Variants in THSD7A observed in about 807,000 individuals in gnomAD.
THSD7A encodes the protein thrombospondin type 1 domain containing 7A.
THSD7A carries 96 observed loss-of-function variants against 231.3 expected under a neutral mutation model. That is an observed-to-expected ratio of 0.41 (90% CI 0.35 to 0.49). THSD7A has a LOEUF of 0.49. THSD7A is among the 20% of genes least tolerant of loss of function. The pLI, the probability that THSD7A is intolerant of heterozygous loss-of-function variation, is 0.05. For synonymous variants in THSD7A, 940 were observed against 743.3 expected (o/e 1.26, Z -4.30); for missense variants, 2,290 against 2,070.2 (o/e 1.11, Z -2.06).
intron 1 of THSD7A, among the ~76,000 whole-genome samples, chr7:11,669,463 C>A (rs1783286380): frequency 6.6e-6 from 1 of 151,840 alleles, no homozygotes; most frequent in South Asian, 2.1e-4. Context: ...GTTCCAGATA[C>A]TCTGCAGGGT....
At chr7:11,656,469 G>A (rs1333638915) in intron 1 of THSD7A, among the ~76,000 whole-genome samples, 1 of 151,842 alleles carries the variant, frequency 6.6e-6, no homozygotes, top group African/African-American at 2.4e-5. Flanking sequence ...CAGAGGGATA[G>A]AGAAAGCTTG....
chr7:11,599,774 G>A (rs1780488083), intron 2 of THSD7A, among the ~76,000 whole-genome samples: 1 of 152,024 alleles, frequency 6.6e-6, no homozygotes, highest in Admixed American at 6.6e-5. Flanking sequence ...TGGATGGAAG[G>A]ATGCAAAGTA....
chr7:11,588,841 C>A (rs2189633), intron 4 of THSD7A, among the ~76,000 whole-genome samples: 41,431 of 152,042 alleles, frequency 0.27, 8,288 homozygotes, highest in African/African-American at 0.57. Context: ...ATATTAATGT[C>A]CTAACATTAC....
chr7:11,575,752 C>A (rs189046794), intron 4 of THSD7A, among the ~76,000 whole-genome samples: 2 of 152,342 alleles, frequency 1.3e-5, no homozygotes, highest in African/African-American at 4.8e-5. Context: ...TGTACCATAT[C>A]ATATCAACCG....
At chr7:11,792,140 A>C (rs984083213) in intron 1 of THSD7A, among the ~76,000 whole-genome samples, 8 of 151,900 alleles carry the variant, frequency 5.3e-5, no homozygotes, top group Non-Finnish European at 8.8e-5. Flanking sequence ...ACTCGTCATT[A>C]TATTTATTCT....
chr7:11,709,139 A>G (rs1352620646), intron 1 of THSD7A, among the ~76,000 whole-genome samples: 2 of 150,674 alleles, frequency 1.3e-5, no homozygotes, highest in African/African-American at 4.9e-5. Flanking sequence ...AGACAAGGCT[A>G]TCGAGTTTCT....
intron 1 of THSD7A, among the ~76,000 whole-genome samples, chr7:11,794,747 G>T (rs2128179221): frequency 6.6e-6 from 1 of 151,940 alleles, no homozygotes; most frequent in East Asian, 1.9e-4. Context: ...TTTTTCAGCA[G>T]CCCTCCCACC....
At chr7:11,467,220 C>T (rs1785745772) in intron 9 of THSD7A, among the ~76,000 whole-genome samples, 1 of 152,108 alleles carries the variant, frequency 6.6e-6, no homozygotes, top group Non-Finnish European at 1.5e-5. Context: ...TGTGGTTCAT[C>T]TTTCAAGAAG....
chr7:11,675,282 G>A (rs1783591464), intron 1 of THSD7A, among the ~76,000 whole-genome samples: 1 of 152,168 alleles, frequency 6.6e-6, no homozygotes, highest in South Asian at 2.1e-4. Flanking sequence ...CAGACCAGCG[G>A]TTTCCCTTGG....
chr7:11,511,273 GA>G (rs1787797654), intron 6 of THSD7A, among the ~76,000 whole-genome samples: 1 of 152,066 alleles, frequency 6.6e-6, no homozygotes, highest in Non-Finnish European at 1.5e-5. Context: ...ACTGCTCAAC[GA>G]AATAAAAGAG....
chr7:11,608,393 A>C (rs934068463), intron 2 of THSD7A, among the ~76,000 whole-genome samples: 1 of 152,132 alleles, frequency 6.6e-6, no homozygotes, highest in African/African-American at 2.4e-5. Context: ...ACTGTTACAT[A>C]CTCCTGTGAA....
chr7:11,604,444 A>G (rs1397999229), intron 2 of THSD7A, among the ~76,000 whole-genome samples: 2 of 152,174 alleles, frequency 1.3e-5, no homozygotes, highest in South Asian at 2.1e-4. Context: ...TTTGTTTTTA[A>G]TAGTTACTGC....
At chr7:11,742,797 A>C (rs185829247) in intron 1 of THSD7A, among the ~76,000 whole-genome samples, 11 of 152,038 alleles carry the variant, frequency 7.2e-5, no homozygotes, top group African/African-American at 2.6e-4. Context: ...CCATTCATTC[A>C]AAGGTGGCAT....
At chr7:11,812,133 G>C (rs931465527) in intron 1 of THSD7A, among the ~76,000 whole-genome samples, 1 of 147,558 alleles carries the variant, frequency 6.8e-6, no homozygotes, top group Non-Finnish European at 1.5e-5. Flanking sequence ...GTGTGTGTGT[G>C]TGTGTGTGGG....
At chr7:11,460,430 T>A (rs1785461771) in intron 11 of THSD7A, among the ~76,000 whole-genome samples, 2 of 152,146 alleles carry the variant, frequency 1.3e-5, no homozygotes, top group Admixed American at 1.3e-4. Flanking sequence ...CCTGACTTTC[T>A]TTCAGACATA....
chr7:11,644,156 T>C (rs1782196075), intron 1 of THSD7A, among the ~76,000 whole-genome samples: 1 of 152,066 alleles, frequency 6.6e-6, no homozygotes, highest in South Asian at 2.1e-4. Context: ...TCCCTGTTTT[T>C]CAGCATCGAA....
At chr7:11,581,165 G>GTCTTAATAAAT (rs1791144171) in intron 4 of THSD7A, among the ~76,000 whole-genome samples, 1 of 151,862 alleles carries the variant, frequency 6.6e-6, no homozygotes, top group South Asian at 2.1e-4. Flanking sequence ...TTAATATAAT[G>GTCTTAATAAAT]TCTTAATAAA....
At position 11,444,656 on chromosome 7, in the gene THSD7A, C is replaced by T. The variant is rs1375232861; in HGVS notation, c.3064+1405G>A. ...CAGGAGAAATACCTAATGTAGATGA[C>T]GGGTTGATGGGTGCAGCAAACCACC... On this transcript the variant is annotated intron_variant, in intron 13 of 27. Transcript: ENST00000423059. The surrounding 1 kb of genome is among the most constrained non-coding windows in gnomAD (Gnocchi z 4.2). Among the ~76,000 whole-genome samples, 1 of 151,410 alleles carries T rather than the reference C, an allele frequency of 6.6e-6. No individual in the cohort carries two copies. The highest frequency in any genetic ancestry group is 2.4e-5 in the African/African-American group (1 of 41,184).
chr7:11,597,963 A>G lies in THSD7A; in HGVS notation c.1023-4461T>C, dbSNP rs536994476. On this transcript the variant is annotated intron_variant, in intron 2 of 27. Transcript: ENST00000423059. ...TTCCCTATGATCAGTTGACAGAGGA[A>G]GAGAAGACTAGGGTCTGGTTCAAAG... 1.5e-3 allele frequency among the ~76,000 whole-genome samples: 226 copies of G among 152,298 alleles called. 1 individual carries two copies. Among genetic ancestry groups the G allele is most frequent in the Non-Finnish European group, 1.1e-3 (76 of 68,034 alleles).
Sources: allele counts gnomAD v4.1 joint callset (sites outside exome capture counted in the v4.1 genomes callset), GRCh38; gene constraint gnomAD v4.1.1; non-coding constraint Gnocchi (gnomAD v3.1); transcripts MANE v1.5; gene names NCBI Gene and HGNC (gene_info 2026-07-23, HGNC 2026-07-21).